ZNF48: variants seen among roughly 807,000 people sequenced by gnomAD.
ZNF48 encodes zinc finger protein 553.
ZNF48 carries 20 observed loss-of-function variants against 40.0 expected under a neutral mutation model. The ratio of observed to expected loss-of-function variants is 0.50; its 90% CI spans 0.35 to 0.73. The LOEUF is 0.73. ZNF48 is among the 30% of genes least tolerant of loss of function. The pLI is 0.01. For synonymous variants in ZNF48, 298 were observed against 329.7 expected, an observed-to-expected ratio of 0.90 and a Z score of 1.04; for missense variants, 726 against 851.9, an observed-to-expected ratio of 0.85 and a Z score of 1.84.
Position 30,395,424 on chromosome 16 carries a change from G to GC in ZNF48, c.-165dup. On this transcript the variant is annotated 5_prime_UTR_variant, in exon 1 of 3. Coordinates refer to ENST00000613509, the MANE Select transcript of ZNF48 (RefSeq NM_001214909.2). The surrounding 1 kb of genome is among the most constrained non-coding windows in gnomAD (Gnocchi z 5.9). Reference sequence around the variant, plus strand: ...CCCCGCGCTTCCGCTTCCCGTCCCCGCCCCCGGTGGCCGCCCCCGGGACGC... The same window carrying GC: ...CCCCGCGCTTCCGCTTCCCGTCCCCGCCCCCCGGTGGCCGCCCCCGGGACGC... The GC allele has an allele frequency of 5.6e-6, 2 of 356,716 alleles. No individual in the cohort carries two copies. Among genetic ancestry groups the GC allele is most frequent in the South Asian group, 3.9e-5 (2 of 51,272 alleles). 22.1% of individuals were successfully genotyped at this position (356,716 alleles called of 1,614,324 possible).
Position 30,397,301 on chromosome 16 carries a change from G to C in ZNF48, c.80-29G>C. 6.3e-7 allele frequency: 1 copy of C among 1,575,186 alleles called. No homozygotes were observed. Among genetic ancestry groups the C allele is most frequent in the South Asian group, 1.2e-5 (1 of 84,308 alleles). On this transcript the variant is annotated intron_variant, in intron 2 of 2. Transcript: ENST00000613509. The surrounding 1 kb of genome is among the most constrained non-coding windows in gnomAD (Gnocchi z 4.1). Reference sequence around the variant, plus strand: ...AAGATAAGTACCGAGCCAAAGGGGAGGGTCTACAACTTCCTTTTCTTTCCT... The same window carrying C: ...AAGATAAGTACCGAGCCAAAGGGGACGGTCTACAACTTCCTTTTCTTTCCT...
intron 1 of ZNF48, chr16:30,379,106 C>T (rs751951608): frequency 6.2e-7 from 1 of 1,614,124 alleles, no homozygotes; most frequent in Non-Finnish European, 8.5e-7. Context: ...TCGTGCGTCA[C>T]CTCTTTCAGG....
chr16:30,398,650 T>C lies in ZNF48; in HGVS notation c.1400T>C (p.Val467Ala). 6.2e-7 allele frequency: 1 copy of C among 1,613,326 alleles called. No homozygotes were observed. Residue 467 changes from valine (V) to alanine (A), a missense_variant, in exon 3 of 3, where the codon GTG becomes GCG. This residue lies in a region of ZNF48 where 25 missense variants were observed against 51.5 expected (regional missense o/e 0.49). Coordinates refer to ENST00000613509, the MANE Select transcript of ZNF48 (RefSeq NM_001214909.2). This position sits in a 1 kb window ranked among gnomAD's most constrained non-coding sequence, Gnocchi z 6.6. The stretch of plus-strand genomic sequence containing the variant: ...GGCTTCCGCCGAAGCTCTGACCTGG[T>C]GAAACACCATCGTGTGCACACAGGG... ...GKGFRRSSDL[V>A]KHHRVHTGEK...
At position 30,379,086 on chromosome 16, in the gene ZNF48, G is replaced by A. The variant is rs1181676416; in HGVS notation, c.-16+676G>A. 2.5e-6 allele frequency: 4 copies of A among 1,614,082 alleles called. No individual in the cohort carries two copies. The South Asian group carries it at 4.4e-5, about 18-fold the overall frequency. On this transcript the variant is annotated intron_variant, in intron 1 of 2. Coordinates refer to the ZNF48 transcript ENST00000528032. Reference sequence around the variant, plus strand: ...GTAGGCAGCGGGCCCGGTAGCCCTCGTAGAGCAGATCGTGCGTCACCTCTT... The same window carrying A: ...GTAGGCAGCGGGCCCGGTAGCCCTCATAGAGCAGATCGTGCGTCACCTCTT...
intron 1 of ZNF48, chr16:30,379,640 C>CTT (rs71149011): frequency 0.056 from 13,148 of 233,740 alleles, 333 homozygotes; most frequent in South Asian, 0.073. Context: ...GCCCCTTCCT[C>CTT]TTTTTTTTTT....
Position 30,382,903 on chromosome 16 carries a change from G to T in ZNF48, c.-16+4493G>T. 1 of 970,366 alleles carries T rather than the reference G, an allele frequency of 1.0e-6. No homozygotes were observed. Among genetic ancestry groups the T allele is most frequent in the Non-Finnish European group, 1.6e-6 (1 of 632,298 alleles). 60.1% of individuals were successfully genotyped at this position (970,366 alleles called of 1,614,324 possible). The stretch of plus-strand genomic sequence containing the variant: ...GAAAACAGTTCCCAGGACGGGCAAG[G>T]TGGCTCTCGCCTGTAATCTCAGCAC... On this transcript the variant is annotated intron_variant, in intron 1 of 2. Coordinates refer to the ZNF48 transcript ENST00000528032. The surrounding 1 kb of genome is among the most constrained non-coding windows in gnomAD (Gnocchi z 4.8).
At position 30,397,878 on chromosome 16, in the gene ZNF48, C is replaced by T; in HGVS notation, c.628C>T (p.His210Tyr). The change falls in exon 3 of 3, where the codon CAC becomes TAC. Residue 210 changes from histidine (H) to tyrosine (Y), a missense_variant. By Grantham distance (83) the His-to-Tyr change is moderately conservative (BLOSUM62 2). This residue lies in a region of ZNF48 where 378 missense variants were observed against 449.1 expected (regional missense o/e 0.84). Coordinates refer to ENST00000613509, the MANE Select transcript of ZNF48 (RefSeq NM_001214909.2). The surrounding 1 kb of genome is among the most constrained non-coding windows in gnomAD (Gnocchi z 4.1). ...CCGGCAGAGTTCTGACCTGGTGAAA[C>T]ACCAGCGGACACACACTGGTGAGAA... ...SFRQSSDLVK[H>Y]QRTHTGEKPY... The T allele has an allele frequency of 6.2e-7, 1 of 1,614,058 alleles. No individual in the cohort carries two copies. The highest frequency in any genetic ancestry group is 8.5e-7 in the Non-Finnish European group (1 of 1,179,966).
rs554768519 is a variant in ZNF48, at chr16:30,398,435, C to T, written c.1185C>T (p.Pro395=). Residue 395 remains proline (P), a synonymous_variant, in exon 3 of 3, where the codon CCC becomes CCT. Coordinates refer to ENST00000613509, the MANE Select transcript of ZNF48 (RefSeq NM_001214909.2). The surrounding 1 kb of genome is among the most constrained non-coding windows in gnomAD (Gnocchi z 6.6). ...QDFSFPGYPL[P]ALIPSPPPPP... is the part of the protein sequence containing the mutation. ...TCAGCTTCCCAGGCTATCCCCTACC[C>T]GCTCTGATCCCCAGCCCACCCCCAC... The T allele has an allele frequency of 1.2e-5, 19 of 1,598,508 alleles. 1 individual carries two copies. The highest frequency in any genetic ancestry group is 6.7e-5 in the South Asian group (6 of 89,114).
chr16:30,396,610 C>G (rs1364113620), intron 2 of ZNF48, among the ~76,000 whole-genome samples: 2 of 151,526 alleles, frequency 1.3e-5, no homozygotes, highest in Admixed American at 1.3e-4. Context: ...ACCAAGTTTT[C>G]CAAATAGACA....
Position 30,382,776 on chromosome 16 carries a change from A to G in ZNF48, c.-16+4366A>G. ...TTCACACATCTGGATTCCAAGTCCC[A>G]CTGTAGCTCCATCATCGTGGTGAGA... On this transcript the variant is annotated intron_variant, in intron 1 of 2. Coordinates refer to the ZNF48 transcript ENST00000528032. The surrounding 1 kb of genome is among the most constrained non-coding windows in gnomAD (Gnocchi z 4.8). 6.5e-7 allele frequency: 1 copy of G among 1,535,892 alleles called. No individual in the cohort carries two copies. Among genetic ancestry groups the G allele is most frequent in the Non-Finnish European group, 8.7e-7 (1 of 1,146,838 alleles).
rs1323778773 is a variant in ZNF48 at position 30,381,376 on chromosome 16, G to A, written c.-16+2966G>A. The A allele has an allele frequency of 6.2e-7, 1 of 1,613,456 alleles. No individual in the cohort carries two copies. The highest frequency in any genetic ancestry group is 8.5e-7 in the Non-Finnish European group (1 of 1,179,734). ...GGTGAGATGAAGTAGAGGCAGCAGT[G>A]GACTCGGGAGTCCTGGATGTTCTTC... On this transcript the variant is annotated intron_variant, in intron 1 of 2. Transcript: ENST00000528032. The surrounding 1 kb of genome is among the most constrained non-coding windows in gnomAD (Gnocchi z 4.3).
intron 1 of ZNF48, chr16:30,379,618 C>T (rs1221457781): frequency 6.4e-6 from 5 of 785,658 alleles, no homozygotes; most frequent in Non-Finnish European, 1.1e-5. Flanking sequence ...ACACCCGCCT[C>T]CTCTGCTTCC....
chr16:30,383,072 C>T (rs2049871855), intron 1 of ZNF48: 3 of 475,520 alleles, frequency 6.3e-6, no homozygotes, highest in South Asian at 2.1e-5. Flanking sequence ...GTCCCAGCTA[C>T]TGGGGAGGCT....
chr16:30,390,778 G>A (rs913361478), upstream of ZNF48, among the ~76,000 whole-genome samples: 9 of 151,674 alleles, frequency 5.9e-5, no homozygotes, highest in South Asian at 2.1e-4. Flanking sequence ...CCGCCATCAC[G>A]CCTGGCTAAT....
intron 2 of ZNF48, among the ~76,000 whole-genome samples, chr16:30,396,772 C>T (rs2049988331): frequency 6.6e-6 from 1 of 150,836 alleles, no homozygotes; most frequent in Non-Finnish European, 1.5e-5. Flanking sequence ...TCACTGCAGC[C>T]TCCACCTCCT....
In ZNF48 at chr16:30,381,605, G is replaced by A. The variant is rs2049850120; in HGVS notation, c.-16+3195G>A. 6.9e-7 allele frequency: 1 copy of A among 1,445,522 alleles called. No individual in the cohort carries two copies. The highest frequency in any genetic ancestry group is 9.5e-7 in the Non-Finnish European group (1 of 1,054,066). The allele number at this position is 1,445,522 out of a possible 1,614,324, so 89.5% of individuals were successfully genotyped here. On this transcript the variant is annotated intron_variant, in intron 1 of 2. Coordinates refer to the ZNF48 transcript ENST00000528032. This position sits in a 1 kb window ranked among gnomAD's most constrained non-coding sequence, Gnocchi z 4.3. ...AAGACATTAAGGGGAACTGGTGGGGGCCTAGGTGAGTCATCAAGAAGCACA... is the reference window on the plus strand; with the variant it reads ...AAGACATTAAGGGGAACTGGTGGGGACCTAGGTGAGTCATCAAGAAGCACA...
At chr16:30,390,914 G>C (rs2049937992), upstream of ZNF48, among the ~76,000 whole-genome samples, 1 of 151,040 alleles carries the variant, frequency 6.6e-6, no homozygotes, top group South Asian at 2.1e-4. Flanking sequence ...GTGAGCCACC[G>C]CGCCTGGCCA....
At chr16:30,388,762 C>T (rs978836204) in intron 1 of ZNF48, among the ~76,000 whole-genome samples, 2 of 151,876 alleles carry the variant, frequency 1.3e-5, no homozygotes, top group African/African-American at 2.4e-5. Flanking sequence ...GGCGTGGTGC[C>T]GCACACCAGT....
At position 30,378,410 on chromosome 16, in the gene ZNF48, G is replaced by A. The variant is rs560971700; in HGVS notation, c.-16G>A. 526 of 1,547,210 alleles carry A rather than the reference G, an allele frequency of 3.4e-4. 2 individuals carry two copies. The highest frequency in any genetic ancestry group is 1.4e-3 in the South Asian group (119 of 85,292). On this transcript the variant is annotated splice_region_variant and 5_prime_UTR_variant, in exon 1 of 3. Coordinates refer to the ZNF48 transcript ENST00000528032. The stretch of plus-strand genomic sequence containing the variant: ...AGAGGCCGACTGAAGGCGGAGCCGA[G>A]GTAAGGCCGGGCGGGGCGTGGCCTC...
Sources: gnomAD v4.1 joint callset for allele counts (sites outside exome capture counted in the v4.1 genomes callset) on GRCh38, gnomAD v4.1.1 for gene constraint, gnomAD v4.1.1 regional missense constraint, Gnocchi (gnomAD v3.1) non-coding constraint, MANE v1.5 for transcripts, NCBI Gene and HGNC (gene_info 2026-07-23, HGNC 2026-07-21) for gene names.